The following DLGAP1 variants were observed in gnomAD, a reference collection of about 807,000 sequenced individuals.
The protein encoded by DLGAP1 is DLG associated protein 1.
DLGAP1 carries 11 observed loss-of-function variants against 90.8 expected under a neutral mutation model. The observed-to-expected ratio is 0.12, with a 90% CI of 0.08 to 0.20. DLGAP1 has a LOEUF of 0.20. DLGAP1 is among the 10% of genes least tolerant of loss of function. The pLI, the probability that DLGAP1 is intolerant of heterozygous loss-of-function variation, is 1.00. For synonymous variants in DLGAP1, 558 were observed against 540.7 expected, an observed-to-expected ratio of 1.03 and a Z score of -0.44; for missense variants, 1,050 against 1,333.8, an observed-to-expected ratio of 0.79 and a Z score of 3.31.
intron 2 of DLGAP1, among the ~76,000 whole-genome samples, chr18:4,018,118 A>G (rs956812428): frequency 3.9e-5 from 6 of 152,230 alleles, no homozygotes; most frequent in African/African-American, 1.4e-4. Flanking sequence ...ATTGGCTATG[A>G]CAAGTGATGC....
At chr18:4,071,254 G>A (rs947582091) in intron 2 of DLGAP1, among the ~76,000 whole-genome samples, 8 of 151,602 alleles carry the variant, frequency 5.3e-5, no homozygotes, top group African/African-American at 1.9e-4. Context: ...GTGTGTGTGT[G>A]TATTCAAATA....
chr18:3,992,280 T>C (rs543163525), intron 3 of DLGAP1, among the ~76,000 whole-genome samples: 1 of 152,382 alleles, frequency 6.6e-6, no homozygotes, highest in Admixed American at 6.5e-5. Context: ...CAGGCCCTAG[T>C]TGTTCTTTTG....
At chr18:4,395,982 G>T (rs2082431048) in intron 1 of DLGAP1, among the ~76,000 whole-genome samples, 1 of 152,094 alleles carries the variant, frequency 6.6e-6, no homozygotes, top group Non-Finnish European at 1.5e-5. Context: ...CTCAACCCAA[G>T]AAATATGCAC....
intron 7 of DLGAP1, among the ~76,000 whole-genome samples, chr18:3,601,914 C>T (rs2145763305): frequency 1.3e-5 from 2 of 150,460 alleles, no homozygotes; most frequent in Non-Finnish European, 2.9e-5. Context: ...GAGGCTGAGG[C>T]AGGCGAATCG....
chr18:4,087,924 G>C (rs1300068164), intron 2 of DLGAP1, among the ~76,000 whole-genome samples: 1 of 151,996 alleles, frequency 6.6e-6, no homozygotes, highest in African/African-American at 2.4e-5. Context: ...CTGTGTCACT[G>C]CTATGTTTAG....
intron 1 of DLGAP1, among the ~76,000 whole-genome samples, chr18:4,360,909 G>C (rs1208722628): frequency 6.6e-6 from 1 of 152,148 alleles, no homozygotes; most frequent in South Asian, 2.1e-4. Flanking sequence ...GAACCCAACA[G>C]GCAGCCATTG....
At chr18:4,091,514 A>G (rs1320357261) in intron 2 of DLGAP1, among the ~76,000 whole-genome samples, 1 of 152,142 alleles carries the variant, frequency 6.6e-6, no homozygotes, top group Non-Finnish European at 1.5e-5. Flanking sequence ...CATATATTCA[A>G]TCATTTGATA....
chr18:4,272,141 A>G (rs524180), intron 1 of DLGAP1, among the ~76,000 whole-genome samples: 9 of 152,242 alleles, frequency 5.9e-5, no homozygotes, highest in African/African-American at 1.7e-4. Flanking sequence ...ATAGTATTAA[A>G]TGGTGTATTG....
At chr18:4,375,001 G>A (rs1259377538) in intron 1 of DLGAP1, among the ~76,000 whole-genome samples, 1 of 152,010 alleles carries the variant, frequency 6.6e-6, no homozygotes, top group Non-Finnish European at 1.5e-5. Context: ...GTTATTTAGA[G>A]GATTTATTGC....
At chr18:4,348,366 G>A (rs1006939533) in intron 1 of DLGAP1, among the ~76,000 whole-genome samples, 1 of 150,204 alleles carries the variant, frequency 6.7e-6, no homozygotes, top group East Asian at 2.0e-4. Flanking sequence ...TGTGATGCTG[G>A]ACTGGAATCA....
At chr18:4,247,365 T>C (rs1372736163) in intron 1 of DLGAP1, among the ~76,000 whole-genome samples, 1 of 152,164 alleles carries the variant, frequency 6.6e-6, no homozygotes, top group Non-Finnish European at 1.5e-5. Context: ...ACCTGGCTAG[T>C]AAGGAAGAGA....
chr18:3,706,638 C>T (rs2061441839), intron 7 of DLGAP1, among the ~76,000 whole-genome samples: 2 of 152,092 alleles, frequency 1.3e-5, no homozygotes, highest in South Asian at 2.1e-4. Flanking sequence ...TGGAGCTTAT[C>T]GAAGGCTTGC....
chr18:3,829,527 G>A (rs1241068956), intron 4 of DLGAP1, among the ~76,000 whole-genome samples: 4 of 152,160 alleles, frequency 2.6e-5, no homozygotes, highest in Admixed American at 6.5e-5. Context: ...CTGTGGATCA[G>A]TCAGGGTTCT....
At chr18:4,172,928 T>C (rs796571623) in intron 1 of DLGAP1, among the ~76,000 whole-genome samples, 41 of 152,346 alleles carry the variant, frequency 2.7e-4, no homozygotes, top group African/African-American at 9.1e-4. Flanking sequence ...GCTTTGAAGC[T>C]AAAACTTCCT....
intron 9 of DLGAP1, among the ~76,000 whole-genome samples, chr18:3,539,671 A>G (rs576084787): frequency 6.6e-6 from 1 of 152,260 alleles, no homozygotes; most frequent in South Asian, 2.1e-4. Context: ...TAAACTGAAG[A>G]GGTTCCATTC....
At chr18:4,215,577 A>C (rs997979046) in intron 1 of DLGAP1, among the ~76,000 whole-genome samples, 1 of 152,180 alleles carries the variant, frequency 6.6e-6, no homozygotes, top group South Asian at 2.1e-4. Flanking sequence ...CTGATACTGC[A>C]GTCAGTATTT....
intron 1 of DLGAP1, among the ~76,000 whole-genome samples, chr18:4,213,274 GCTT>G (rs1290464013): frequency 6.6e-6 from 1 of 152,144 alleles, no homozygotes; most frequent in East Asian, 1.9e-4. Flanking sequence ...GATATGATCA[GCTT>G]CACATGGAGA....
rs2054370143 is a variant in DLGAP1 at position 3,565,439 on chromosome 18, T to A, written c.2057+2051A>T. Among the ~76,000 whole-genome samples, 1 of 151,978 alleles carries A rather than the reference T, an allele frequency of 6.6e-6. No individual in the cohort carries two copies. The highest frequency in any genetic ancestry group is 1.5e-5 in the Non-Finnish European group (1 of 67,986). ...TGCTGGGATTACAGGCGTGAGCCAT[T>A]GCCCATGTCCAGGAATATATTTTCT... On this transcript the variant is annotated intron_variant, in intron 9 of 12. Coordinates refer to ENST00000315677, the MANE Select transcript of DLGAP1 (RefSeq NM_004746.4). The surrounding 1 kb of genome is among the most constrained non-coding windows in gnomAD (Gnocchi z 4.0).
intron 1 of DLGAP1, among the ~76,000 whole-genome samples, chr18:4,416,261 T>C (rs1026441525): frequency 1.3e-5 from 2 of 152,156 alleles, no homozygotes; most frequent in African/African-American, 4.8e-5. Context: ...GGCAATAGTG[T>C]CCTTTGTGGA....
Sources: gnomAD v4.1 joint callset for allele counts (sites outside exome capture counted in the v4.1 genomes callset) on GRCh38, gnomAD v4.1.1 for gene constraint, Gnocchi (gnomAD v3.1) non-coding constraint, MANE v1.5 for transcripts, NCBI Gene and HGNC (gene_info 2026-07-23, HGNC 2026-07-21) for gene names.